Variants in ILDR2 observed in about 807,000 individuals in gnomAD.
ILDR2 encodes the protein immunoglobulin-like domain-containing receptor 2.
Under a neutral mutation model 66.8 loss-of-function variants are expected in ILDR2, and 25 were observed. The observed-to-expected ratio is 0.37, with a 90% CI of 0.27 to 0.52. The LOEUF is 0.52. Among genes scored for constraint, ILDR2 ranks in the 20% least tolerant of loss-of-function variants. The probability of loss-of-function intolerance (pLI) is 0.88; values close to 1 mark genes in which losing one functional copy is unlikely to be tolerated. For missense variants in ILDR2, 827 were observed against 876.8 expected, an observed-to-expected ratio of 0.94 and a Z score of 0.72; for synonymous variants, 367 against 357.2, an observed-to-expected ratio of 1.03 and a Z score of -0.31.
chr1:166,952,315 A>AT (rs565539929), intron 3 of ILDR2, among the ~76,000 whole-genome samples: 169 of 152,300 alleles, frequency 1.1e-3, no homozygotes, highest in Non-Finnish European at 1.8e-3. Context: ...GACTGCTGGT[A>AT]TGGCCCTATG....
chr1:166,930,710 C>T (rs565520307), intron 6 of ILDR2, among the ~76,000 whole-genome samples: 7 of 152,228 alleles, frequency 4.6e-5, no homozygotes, highest in African/African-American at 1.7e-4. Flanking sequence ...CTTATACTGC[C>T]TTGTATTACT....
chr1:166,933,754 C>T (rs190084597), intron 6 of ILDR2, among the ~76,000 whole-genome samples: 75 of 152,220 alleles, frequency 4.9e-4, no homozygotes, highest in Non-Finnish European at 9.0e-4. Flanking sequence ...CTCTTTTGCC[C>T]ACTTCATCTT....
At position 166,957,821 on chromosome 1, in the gene ILDR2, C is replaced by A; in HGVS notation, c.327G>T (p.Ser109=). The A allele has an allele frequency of 6.2e-7, 1 of 1,614,124 alleles. No homozygotes were observed. Among genetic ancestry groups the A allele is most frequent in the Non-Finnish European group, 8.5e-7 (1 of 1,180,008 alleles). Reference sequence around the variant, plus strand: ...TGTAGAAATCTCCCAGGGTGACAGTCGAGCCCTGTTTTGAAGCTACTACTC... The same window carrying A: ...TGTAGAAATCTCCCAGGGTGACAGTAGAGCCCTGTTTTGAAGCTACTACTC... ...TVRVVASKQG[S]TVTLGDFYRG... is the part of the protein sequence containing the mutation. Residue 109 remains serine, a synonymous_variant, in exon 2 of 10, where the codon TCG becomes TCT. Coordinates refer to ENST00000271417, the MANE Select transcript of ILDR2 (RefSeq NM_199351.3).
At chr1:166,907,628 G>T (rs1293918195), downstream of ILDR2, among the ~76,000 whole-genome samples, 2 of 152,178 alleles carry the variant, frequency 1.3e-5, no homozygotes, top group African/African-American at 2.4e-5. Flanking sequence ...AGAAAGTTTA[G>T]TATCATGGGT....
At position 166,921,476 on chromosome 1, in the gene ILDR2, A is replaced by G; in HGVS notation, c.1212-97T>C. The G allele has an allele frequency of 1.9e-6, 2 of 1,039,022 alleles. No individual in the cohort carries two copies. Among genetic ancestry groups the G allele is most frequent in the Non-Finnish European group, 1.4e-6 (1 of 734,664 alleles). 64.4% of individuals were successfully genotyped at this position (1,039,022 alleles called of 1,614,324 possible). On this transcript the variant is annotated intron_variant, in intron 8 of 9. Transcript: ENST00000271417. The surrounding 1 kb of genome is among the most constrained non-coding windows in gnomAD (Gnocchi z 5.3). ...CCCATCGTGTCCTGGGGCCACGCTC[A>G]GGAGACCTCGGCCTGAGCCTCAGCT...
chr1:166,923,117 C>G (rs1321404421), intron 7 of ILDR2, among the ~76,000 whole-genome samples: 1 of 152,190 alleles, frequency 6.6e-6, no homozygotes. Flanking sequence ...TGTTGCTGGC[C>G]TCCTCCTAGT....
At chr1:166,955,727 A>C (rs913717238) in intron 3 of ILDR2, among the ~76,000 whole-genome samples, 1 of 152,218 alleles carries the variant, frequency 6.6e-6, no homozygotes, top group African/African-American at 2.4e-5. Flanking sequence ...TAAAAATCCT[A>C]AATAACAACT....
chr1:166,963,107 G>A (rs1308310182), intron 1 of ILDR2, among the ~76,000 whole-genome samples: 5 of 152,028 alleles, frequency 3.3e-5, no homozygotes, highest in Non-Finnish European at 2.9e-5. Context: ...TATTGCCCTA[G>A]ATAGAAATCT....
chr1:166,905,621 A>G (rs147369956), downstream of ILDR2, among the ~76,000 whole-genome samples: 50 of 152,304 alleles, frequency 3.3e-4, no homozygotes, highest in African/African-American at 1.1e-3. Flanking sequence ...TCTCTAACTT[A>G]TACACATAGC....
intron 7 of ILDR2, among the ~76,000 whole-genome samples, chr1:166,926,525 T>C (rs1050261436): frequency 2.0e-5 from 3 of 151,978 alleles, no homozygotes; most frequent in Non-Finnish European, 2.9e-5. Context: ...TTCTTTCACT[T>C]TCAGGAGGCC....
Position 166,922,689 on chromosome 1 carries a change from T to C in ILDR2, c.1115A>G (p.Asp372Gly). ...GCCTCCCATGACACCTGACCAATAG[T>C]CAGGATTGCTCTCCAAGTCCCCAGA... ...PVSGDLESNP[D>G]YWSGVMGGSS... The change falls in exon 8 of 10, where the codon GAC becomes GGC. Residue 372 changes from aspartate to glycine, a missense_variant. By Grantham distance (94) the Asp-to-Gly change is moderately conservative. This residue lies in a region of ILDR2 where 437 missense variants were observed against 523.2 expected (regional missense o/e 0.84). Coordinates refer to ENST00000271417, the MANE Select transcript of ILDR2 (RefSeq NM_199351.3). 6.2e-7 allele frequency: 1 copy of C among 1,614,150 alleles called. No homozygotes were observed. The highest frequency in any genetic ancestry group is 8.5e-7 in the Non-Finnish European group (1 of 1,180,024).
chr1:166,920,830 G>T lies in ILDR2; in HGVS notation c.1761C>A (p.Ser587=), dbSNP rs755015824. ...CGCTGTAGGGCGGCAGCGCGTCGTC[G>T]GACGCGTCCTCCTGGTCGTCCTGCG... is the stretch of plus-strand genomic sequence containing the variant. ...GSSQDDQEDA[S]DDALPPYSEL... Residue 587 remains serine, a synonymous_variant, in exon 9 of 10, where the codon TCC becomes TCA. Coordinates refer to ENST00000271417, the MANE Select transcript of ILDR2 (RefSeq NM_199351.3). 4 of 1,519,128 alleles carry T rather than the reference G, an allele frequency of 2.6e-6. No individual in the cohort carries two copies. Among genetic ancestry groups the T allele is most frequent in the East Asian group, 2.7e-5 (1 of 37,544 alleles). 94.1% of individuals were successfully genotyped at this position (1,519,128 alleles called of 1,614,324 possible).
chr1:166,949,729 G>T (rs1362167965), intron 3 of ILDR2, among the ~76,000 whole-genome samples: 2 of 152,204 alleles, frequency 1.3e-5, no homozygotes, highest in Non-Finnish European at 2.9e-5. Flanking sequence ...GATTCTAGCT[G>T]ACACTTGGCT....
chr1:166,951,152 A>G (rs770467643), intron 3 of ILDR2, among the ~76,000 whole-genome samples: 1 of 152,160 alleles, frequency 6.6e-6, no homozygotes, highest in Non-Finnish European at 1.5e-5. Flanking sequence ...GTGGTATACT[A>G]CAGTCCTCTC....
rs72707810 is a variant in ILDR2 at position 166,917,707 on chromosome 1, C to T, written c.*1648G>A. The stretch of plus-strand genomic sequence containing the variant: ...AAGAGAAATGAACATAAAGAATGCA[C>T]CAACTTCTCACGCCTCGAGTAGGAA... On this transcript the variant is annotated 3_prime_UTR_variant, in exon 10 of 10. Transcript: ENST00000271417. The T allele has an allele frequency of 0.015, 2,221 of 152,346 alleles. 21 individuals carry two copies. The highest frequency in any genetic ancestry group is 0.025 in the African/African-American group (1,025 of 41,568). 9.4% of individuals were successfully genotyped at this position (152,346 alleles called of 1,614,324 possible).
intron 1 of ILDR2, among the ~76,000 whole-genome samples, chr1:166,960,661 T>C (rs2101992880): frequency 6.6e-6 from 1 of 152,218 alleles, no homozygotes; most frequent in African/African-American, 2.4e-5. Flanking sequence ...TTGATAACCA[T>C]ACATCACCAC....
At position 166,921,272 on chromosome 1, in the gene ILDR2, C is replaced by T; in HGVS notation, c.1319G>A (p.Arg440Gln). The change falls in exon 9 of 10, where the codon CGG becomes CAG. Residue 440 changes from arginine (R) to glutamine (Q), a missense_variant. This residue lies in a region of ILDR2 where 390 missense variants were observed against 353.6 expected (regional missense o/e 1.10). Transcript: ENST00000271417. The surrounding 1 kb of genome is among the most constrained non-coding windows in gnomAD (Gnocchi z 5.3). ...ACTGTTGCCGTCTGCCCGGCGGGGC[C>T]GCTGGCCGTAGGAGTCAGCGAAGGC... ...LAAFADSYGQ[R>Q]PRRADGNSHE... 4 of 1,599,882 alleles carry T rather than the reference C, an allele frequency of 2.5e-6. No individual in the cohort carries two copies. The highest frequency in any genetic ancestry group is 2.6e-6 in the Non-Finnish European group (3 of 1,175,318).
At chr1:166,945,924 C>A (rs1557946144) in intron 3 of ILDR2, among the ~76,000 whole-genome samples, 1 of 152,164 alleles carries the variant, frequency 6.6e-6, no homozygotes. Context: ...CCCCTCTTCT[C>A]CCTTATGTTT....
At chr1:166,924,271 C>T (rs1310864584) in intron 7 of ILDR2, among the ~76,000 whole-genome samples, 2 of 152,328 alleles carry the variant, frequency 1.3e-5, no homozygotes, top group South Asian at 4.1e-4. Flanking sequence ...TTTCCTTTCT[C>T]ATGATCCCCA....
Sources: gnomAD v4.1 joint callset for allele counts (sites outside exome capture counted in the v4.1 genomes callset) on GRCh38, gnomAD v4.1.1 for gene constraint, gnomAD v4.1.1 regional missense constraint, Gnocchi (gnomAD v3.1) non-coding constraint, MANE v1.5 for transcripts, NCBI Gene and HGNC (gene_info 2026-07-23, HGNC 2026-07-21) for gene names.